Variants in DGKI observed in about 807,000 individuals in gnomAD.
DGKI encodes the protein diacylglycerol kinase iota.
DGKI carries 55 observed loss-of-function variants against 147.5 expected under a neutral mutation model. That is an observed-to-expected ratio of 0.37 (90% CI 0.30 to 0.47). The LOEUF is 0.47. Among genes scored for constraint, DGKI ranks in the 20% least tolerant of loss-of-function variants. The pLI is 1.00. For missense variants in DGKI, 1,007 were observed against 1,323.8 expected (o/e 0.76, Z 3.71); for synonymous variants, 469 against 477.1 (o/e 0.98, Z 0.22).
intron 20 of DGKI, among the ~76,000 whole-genome samples, chr7:137,542,233 C>A (rs913166543): frequency 6.6e-6 from 1 of 152,148 alleles, no homozygotes; most frequent in African/African-American, 2.4e-5. Flanking sequence ...TGAACATACA[C>A]TTACCATATG....
At chr7:137,514,315 T>C (rs971231490) in intron 21 of DGKI, among the ~76,000 whole-genome samples, 2 of 152,340 alleles carry the variant, frequency 1.3e-5, no homozygotes, top group African/African-American at 4.8e-5. Context: ...GATGTCATTA[T>C]GCAGCTCACA....
chr7:137,741,013 T>A (rs1449994567), intron 1 of DGKI, among the ~76,000 whole-genome samples: 2 of 150,500 alleles, frequency 1.3e-5, no homozygotes, highest in East Asian at 3.9e-4. Flanking sequence ...TAAGTCTTAA[T>A]TTTTTTTTTA....
chr7:137,457,106 G>A (rs1381726013), intron 27 of DGKI, among the ~76,000 whole-genome samples: 2 of 152,172 alleles, frequency 1.3e-5, no homozygotes, highest in African/African-American at 2.4e-5. Context: ...CAGCTATCCT[G>A]TATTTTTCCA....
At chr7:137,678,187 A>G (rs909555050) in intron 3 of DGKI, among the ~76,000 whole-genome samples, 4 of 151,988 alleles carry the variant, frequency 2.6e-5, no homozygotes, top group African/African-American at 9.7e-5. Flanking sequence ...TTCCCTACAG[A>G]CAGAGCCCCT....
chr7:137,813,470 C>T (rs972605220), intron 1 of DGKI, among the ~76,000 whole-genome samples: 1 of 152,180 alleles, frequency 6.6e-6, no homozygotes, highest in African/African-American at 2.4e-5. Flanking sequence ...CGTGGCAGGG[C>T]TATGGATGCA....
intron 19 of DGKI, among the ~76,000 whole-genome samples, chr7:137,555,810 C>T (rs1156260480): frequency 6.6e-6 from 1 of 152,034 alleles, no homozygotes; most frequent in African/African-American, 2.4e-5. Context: ...TTTATAAGTC[C>T]GTCCTACCTA....
chr7:137,709,125 C>G (rs1179887673), intron 1 of DGKI, among the ~76,000 whole-genome samples: 1 of 152,138 alleles, frequency 6.6e-6, no homozygotes, highest in Non-Finnish European at 1.5e-5. Context: ...AAATATGAGA[C>G]TATAAACTAC....
At chr7:137,802,962 T>C (rs1316324937) in intron 1 of DGKI, among the ~76,000 whole-genome samples, 1 of 152,084 alleles carries the variant, frequency 6.6e-6, no homozygotes, top group African/African-American at 2.4e-5. Flanking sequence ...AATTATAGTT[T>C]AGGAGGTAAA....
intron 20 of DGKI, among the ~76,000 whole-genome samples, chr7:137,524,727 GGGCAGA>G (rs1242686124): frequency 2.6e-5 from 4 of 152,222 alleles, no homozygotes; most frequent in East Asian, 1.9e-4. Context: ...AGTTGAGGAG[GGGCAGA>G]GGTTGAATGA....
intron 1 of DGKI, among the ~76,000 whole-genome samples, chr7:137,760,066 C>A: frequency 6.6e-6 from 1 of 152,140 alleles, no homozygotes; most frequent in Non-Finnish European, 1.5e-5. Context: ...AGGGAATCCT[C>A]CTAATCCTCT....
intron 29 of DGKI, among the ~76,000 whole-genome samples, chr7:137,409,221 A>G (rs1156588769): frequency 6.6e-6 from 1 of 152,236 alleles, no homozygotes; most frequent in African/African-American, 2.4e-5. Context: ...ATTAATATGT[A>G]TAATCATTTG....
At chr7:137,770,590 G>T (rs1217413816) in intron 1 of DGKI, among the ~76,000 whole-genome samples, 1 of 46,224 alleles carries the variant, frequency 2.2e-5, no homozygotes, top group Non-Finnish European at 3.5e-5. Context: ...CTGGAGTGCA[G>T]TGGCGGGATC....
chr7:137,710,456 A>G (rs1337722728), intron 1 of DGKI, among the ~76,000 whole-genome samples: 2 of 152,180 alleles, frequency 1.3e-5, no homozygotes, highest in Non-Finnish European at 2.9e-5. Flanking sequence ...AAAGACAGTC[A>G]GAAACAGACC....
intron 6 of DGKI, among the ~76,000 whole-genome samples, chr7:137,630,389 C>T (rs899737209): frequency 1.3e-5 from 2 of 152,108 alleles, no homozygotes; most frequent in African/African-American, 2.4e-5. Context: ...AAAGGTTTTG[C>T]TTTTTCCATT....
At chr7:137,685,631 C>A (rs1483715855) in intron 2 of DGKI, among the ~76,000 whole-genome samples, 1 of 152,198 alleles carries the variant, frequency 6.6e-6, no homozygotes, top group Non-Finnish European at 1.5e-5. Flanking sequence ...GGCATTACTT[C>A]CTTCCTTTCT....
intron 1 of DGKI, among the ~76,000 whole-genome samples, chr7:137,842,293 T>C (rs1388185147): frequency 6.6e-6 from 1 of 152,202 alleles, no homozygotes; most frequent in Non-Finnish European, 1.5e-5. Flanking sequence ...ATCTTTCTTG[T>C]AATAACACAA....
At position 137,815,617 on chromosome 7, in the gene DGKI, C is replaced by G. The variant is rs140584975; in HGVS notation, c.401+30845G>C. Among the ~76,000 whole-genome samples the G allele has an allele frequency of 9.5e-4, 145 of 152,264 alleles. 1 individual carries two copies. The highest frequency in any genetic ancestry group is 3.4e-3 in the African/African-American group (140 of 41,548). On this transcript the variant is annotated intron_variant, in intron 1 of 32. Transcript: ENST00000614521. Reference sequence around the variant, plus strand: ...ACTAGATGTCAGCTATGGATGTTCACGCTAGGGACATGGATATGAACAAAG... The same window carrying G: ...ACTAGATGTCAGCTATGGATGTTCAGGCTAGGGACATGGATATGAACAAAG...
chr7:137,692,472 A>C (rs1823646321), intron 1 of DGKI, among the ~76,000 whole-genome samples: 1 of 152,196 alleles, frequency 6.6e-6, no homozygotes, highest in Admixed American at 6.5e-5. Context: ...GTTTTGATAC[A>C]AAAAAATTTT....
At chr7:137,747,184 G>C (rs1795364740) in intron 1 of DGKI, among the ~76,000 whole-genome samples, 1 of 152,058 alleles carries the variant, frequency 6.6e-6, no homozygotes, top group South Asian at 2.1e-4. Context: ...ATTCACCTCT[G>C]TTGTAAAAAC....
Sources: gnomAD v4.1 joint callset for allele counts (sites outside exome capture counted in the v4.1 genomes callset) on GRCh38, gnomAD v4.1.1 for gene constraint, MANE v1.5 for transcripts, NCBI Gene and HGNC (gene_info 2026-07-23, HGNC 2026-07-21) for gene names.